The following SND1 variants were observed in gnomAD, a reference collection of about 807,000 sequenced individuals.
The protein encoded by SND1 is staphylococcal nuclease and tudor domain containing 1.
A neutral mutation model predicts 121.7 loss-of-function variants in SND1; 38 were observed. The ratio of observed to expected loss-of-function variants is 0.31; its 90% CI spans 0.24 to 0.41. The LOEUF (loss-of-function observed/expected upper bound fraction) is 0.41. SND1 is among the 10% of genes least tolerant of loss of function. The pLI, the probability that SND1 is intolerant of heterozygous loss-of-function variation, is 1.00. For synonymous variants in SND1, 401 were observed against 447.4 expected, an observed-to-expected ratio of 0.90 and a Z score of 1.31; for missense variants, 868 against 1,184.6, an observed-to-expected ratio of 0.73 and a Z score of 3.92.
Position 128,087,057 on chromosome 7 carries a change from T to A in SND1, c.2418+6T>A. 1 of 1,608,164 alleles carries A rather than the reference T, an allele frequency of 6.2e-7. No homozygotes were observed. The highest frequency in any genetic ancestry group is 8.5e-7 in the Non-Finnish European group (1 of 1,174,900). ...TCATCCAGGTGCCCCAAGATGTGAGTCTGGAGTCTTCCTCCTTCCAAAGGG... is the reference window on the plus strand; with the variant it reads ...TCATCCAGGTGCCCCAAGATGTGAGACTGGAGTCTTCCTCCTTCCAAAGGG... On this transcript the variant is annotated splice_donor_region_variant and intron_variant, in intron 21 of 23. Coordinates refer to ENST00000354725, the MANE Select transcript of SND1 (RefSeq NM_014390.4).
chr7:127,675,808 A>ATT (rs2116276400), intron 1 of SND1, among the ~76,000 whole-genome samples: 1 of 152,332 alleles, frequency 6.6e-6, no homozygotes, highest in East Asian at 1.9e-4. Context: ...TTTCTCTTAA[A>ATT]TGACACTTCA....
At chr7:127,805,540 A>G (rs10251548) in intron 10 of SND1, among the ~76,000 whole-genome samples, 90,896 of 151,968 alleles carry the variant, frequency 0.6, 27,590 homozygotes, top group East Asian at 0.87. Flanking sequence ...CTCATAAGAG[A>G]TTTTCTTGGT....
At chr7:128,037,190 A>C (rs1263422556) in intron 16 of SND1, among the ~76,000 whole-genome samples, 1 of 152,222 alleles carries the variant, frequency 6.6e-6, no homozygotes, top group Non-Finnish European at 1.5e-5. Flanking sequence ...AAAATCTGGC[A>C]GGGCTGCACT....
chr7:127,739,022 C>A (rs1796829583), intron 10 of SND1, among the ~76,000 whole-genome samples: 1 of 152,138 alleles, frequency 6.6e-6, no homozygotes, highest in South Asian at 2.1e-4. Context: ...AATTTGTGCA[C>A]AGGTGTGTAG....
At chr7:127,940,584 A>T (rs1038509740) in intron 15 of SND1, among the ~76,000 whole-genome samples, 3 of 152,192 alleles carry the variant, frequency 2.0e-5, no homozygotes, top group African/African-American at 4.8e-5. Flanking sequence ...TGCTATGGAA[A>T]CTACCTCACA....
chr7:127,667,863 TGA>T (rs3039865), intron 1 of SND1, among the ~76,000 whole-genome samples: 49,692 of 152,028 alleles, frequency 0.33, 9,019 homozygotes, highest in Admixed American at 0.42. Flanking sequence ...TATGTCAAAA[TGA>T]GAGAGTGTAG....
At chr7:127,831,916 G>A (rs931270760) in intron 11 of SND1, among the ~76,000 whole-genome samples, 2 of 152,070 alleles carry the variant, frequency 1.3e-5, no homozygotes, top group Admixed American at 1.3e-4. Flanking sequence ...CACCTTTGAA[G>A]ATAAGCCCTT....
intron 3 of SND1, 98 bp from the exon 4 acceptor site, chr7:127,698,777 C>A: frequency 1.1e-6 from 1 of 897,208 alleles, no homozygotes; most frequent in Non-Finnish European, 1.9e-6. Flanking sequence ...GCATTATTCT[C>A]CTTGAGGAGC....
At chr7:127,961,337 A>G (rs1228669582) in intron 15 of SND1, among the ~76,000 whole-genome samples, 1 of 152,254 alleles carries the variant, frequency 6.6e-6, no homozygotes, top group Non-Finnish European at 1.5e-5. Context: ...GTGTTTACTT[A>G]CATATTTTCT....
chr7:127,754,939 A>G (rs1408428646), intron 10 of SND1, among the ~76,000 whole-genome samples: 1 of 152,182 alleles, frequency 6.6e-6, no homozygotes, highest in East Asian at 1.9e-4. Context: ...TAGCATTTTC[A>G]TGTTTCCAAA....
At chr7:127,704,324 T>C (rs1796153595) in intron 7 of SND1, among the ~76,000 whole-genome samples, 1 of 152,230 alleles carries the variant, frequency 6.6e-6, no homozygotes, top group Admixed American at 6.5e-5. Flanking sequence ...GTCTGTTTCT[T>C]CTGGAGTGCT....
At chr7:127,975,754 C>G (rs1202378290) in intron 15 of SND1, among the ~76,000 whole-genome samples, 2 of 152,132 alleles carry the variant, frequency 1.3e-5, no homozygotes, top group African/African-American at 4.8e-5. Context: ...GGGGTGGCTC[C>G]TCTCTTTTGC....
At chr7:128,071,339 C>T (rs1404600729) in intron 16 of SND1, among the ~76,000 whole-genome samples, 2 of 152,200 alleles carry the variant, frequency 1.3e-5, no homozygotes, top group East Asian at 3.8e-4. Flanking sequence ...CCCAAACCTG[C>T]ATTTCCCCTA....
At chr7:127,999,934 G>A (rs1251117042) in intron 16 of SND1, 1 of 151,716 alleles carries the variant, frequency 6.6e-6, no homozygotes, top group African/African-American at 2.4e-5. Flanking sequence ...ACTCCCCTGA[G>A]AGGTAGGGTT....
intron 10 of SND1, among the ~76,000 whole-genome samples, chr7:127,788,281 TGCTGGAGGCTACA>T (rs1368538190): frequency 6.6e-6 from 1 of 152,218 alleles, no homozygotes; most frequent in African/African-American, 2.4e-5. Flanking sequence ...CAGTACTAGG[TGCTGGAGGCTACA>T]GAGATGAATA....
chr7:127,935,951 T>C (rs1801052321), intron 15 of SND1, among the ~76,000 whole-genome samples: 1 of 152,206 alleles, frequency 6.6e-6, no homozygotes, highest in Non-Finnish European at 1.5e-5. Flanking sequence ...TTATGTGGCC[T>C]TTTTTCAGGC....
At chr7:127,793,234 C>A (rs1402881769) in intron 10 of SND1, among the ~76,000 whole-genome samples, 1 of 152,184 alleles carries the variant, frequency 6.6e-6, no homozygotes, top group Non-Finnish European at 1.5e-5. Context: ...AGTTGGGAGG[C>A]AGACGATAGA....
chr7:128,050,237 G>A (rs1017177129), intron 16 of SND1, among the ~76,000 whole-genome samples: 37 of 152,140 alleles, frequency 2.4e-4, no homozygotes, highest in Admixed American at 2.4e-3. Context: ...CCTCTATGGA[G>A]GCATTTGCAA....
chr7:128,047,319 G>A (rs747309557), intron 16 of SND1, among the ~76,000 whole-genome samples: 1 of 152,232 alleles, frequency 6.6e-6, no homozygotes, highest in African/African-American at 2.4e-5. Flanking sequence ...GTGCCACTCA[G>A]TGGTCCCTTC....
Sources: allele counts gnomAD v4.1 joint callset (sites outside exome capture counted in the v4.1 genomes callset), GRCh38; gene constraint gnomAD v4.1.1; transcripts MANE v1.5; gene names NCBI Gene and HGNC (gene_info 2026-07-23, HGNC 2026-07-21).